Variants in DYSF observed in about 807,000 individuals in gnomAD.
The protein encoded by DYSF is dystrophy-associated fer-1-like 1.
In DYSF, 212 loss-of-function variants were observed where a neutral mutation model predicts 274.9. The observed-to-expected ratio is 0.77, with a 90% CI of 0.69 to 0.86. The LOEUF is 0.86. DYSF is among the 40% of genes least tolerant of loss of function. The pLI, the probability that DYSF is intolerant of heterozygous loss-of-function variation, is 0.00. For synonymous variants in DYSF, 1,091 were observed against 1,078.7 expected (o/e 1.01, Z -0.22); for missense variants, 2,666 against 2,783.2 (o/e 0.96, Z 0.95).
At chr2:71,618,703 G>C (rs1211504073) in intron 40 of DYSF, among the ~76,000 whole-genome samples, 1 of 150,862 alleles carries the variant, frequency 6.6e-6, no homozygotes, top group Non-Finnish European at 1.5e-5. Flanking sequence ...GTGCGTGGTA[G>C]AGATGGTGTG....
At chr2:71,469,382 C>A (rs1416868891) in intron 1 of DYSF, among the ~76,000 whole-genome samples, 2 of 152,186 alleles carry the variant, frequency 1.3e-5, no homozygotes, top group Non-Finnish European at 1.5e-5. Flanking sequence ...GAAGCCAGAT[C>A]CCTTCCGGTG....
chr2:71,472,620 A>G (rs1389523911), intron 1 of DYSF, among the ~76,000 whole-genome samples: 1 of 152,150 alleles, frequency 6.6e-6, no homozygotes, highest in Non-Finnish European at 1.5e-5. Context: ...GTTAGCCAGG[A>G]TGGTCTGGAT....
Position 71,528,537 on chromosome 2 carries a change from C to T in DYSF, c.1380+136C>T, listed in dbSNP as rs72900820. ...GCACAAGGAGTGGCTGATCCTGGTG[C>T]GTGGTGAGACACCCACATAGGCCCA... On this transcript the variant is annotated intron_variant, in intron 14 of 55. Coordinates refer to ENST00000410020, the MANE Select transcript of DYSF (RefSeq NM_001130987.2). 0.012 allele frequency: 9,171 copies of T among 740,616 alleles called. 538 individuals carry two copies. In the African/African-American group the frequency reaches 0.14, roughly 11 times the overall value. 45.9% of individuals were successfully genotyped at this position (740,616 alleles called of 1,614,324 possible). A position where few individuals can be genotyped will look rare whatever the true frequency, so the allele number is the denominator to read the frequency against.
intron 51 of DYSF, among the ~76,000 whole-genome samples, chr2:71,671,726 G>A (rs1281115356): frequency 3.9e-5 from 6 of 152,206 alleles, no homozygotes; most frequent in Admixed American, 2.0e-4. Flanking sequence ...AGGGTTACCC[G>A]GCAGTTCTGG....
chr2:71,548,927 G>C (rs890334022), intron 17 of DYSF, among the ~76,000 whole-genome samples: 1 of 152,214 alleles, frequency 6.6e-6, no homozygotes, highest in South Asian at 2.1e-4. Flanking sequence ...TTGCTGCCTA[G>C]CTCTGGCCCT....
chr2:71,459,184 T>G (rs545414137), intron 1 of DYSF, among the ~76,000 whole-genome samples: 1 of 152,308 alleles, frequency 6.6e-6, no homozygotes, highest in South Asian at 2.1e-4. Context: ...TGTCAACTCA[T>G]GTAGAATGTT....
intron 32 of DYSF, among the ~76,000 whole-genome samples, chr2:71,593,683 A>G (rs2093334418): frequency 6.6e-6 from 1 of 152,182 alleles, no homozygotes; most frequent in South Asian, 2.1e-4. Flanking sequence ...ACCAGGGAAG[A>G]AGGTGTCAAT....
At chr2:71,525,803 A>G (rs915019005) in intron 12 of DYSF, among the ~76,000 whole-genome samples, 2 of 152,162 alleles carry the variant, frequency 1.3e-5, no homozygotes, top group African/African-American at 4.8e-5. Context: ...GACACCTAGT[A>G]CTCACTCAGT....
chr2:71,554,204 C>T (rs2091176446), intron 21 of DYSF, among the ~76,000 whole-genome samples: 1 of 152,204 alleles, frequency 6.6e-6, no homozygotes, highest in South Asian at 2.1e-4. Context: ...AAAACCTATG[C>T]CACGCAGCAG....
At chr2:71,511,460 C>T (rs150385040) in intron 4 of DYSF, among the ~76,000 whole-genome samples, 5 of 152,314 alleles carry the variant, frequency 3.3e-5, no homozygotes, top group African/African-American at 7.2e-5. Context: ...AAGTCCACTA[C>T]GTGCTACATC....
intron 1 of DYSF, among the ~76,000 whole-genome samples, chr2:71,469,559 A>G (rs1046185136): frequency 2.6e-5 from 4 of 152,114 alleles, no homozygotes; most frequent in African/African-American, 9.7e-5. Context: ...GCAGCCTGAA[A>G]TGTATGGGGC....
intron 41 of DYSF, among the ~76,000 whole-genome samples, chr2:71,642,667 G>A (rs2094505144): frequency 6.6e-6 from 1 of 152,182 alleles, no homozygotes; most frequent in Admixed American, 6.5e-5. Context: ...TCCCTGTGTG[G>A]TGTGTCTGGA....
chr2:71,670,846 C>T (rs924644973), intron 51 of DYSF, among the ~76,000 whole-genome samples: 2 of 152,156 alleles, frequency 1.3e-5, no homozygotes, highest in Non-Finnish European at 2.9e-5. Context: ...TCTGCTGTAG[C>T]TTCTGGCCAT....
intron 41 of DYSF, among the ~76,000 whole-genome samples, chr2:71,627,394 T>C (rs770167339): frequency 1.3e-5 from 2 of 152,090 alleles, no homozygotes; most frequent in Non-Finnish European, 2.9e-5. Flanking sequence ...TTTTAAATTA[T>C]CTTTTGTTAT....
chr2:71,582,818 T>C (rs2092939192), intron 30 of DYSF, among the ~76,000 whole-genome samples: 1 of 152,174 alleles, frequency 6.6e-6, no homozygotes, highest in East Asian at 1.9e-4. Context: ...ATACATAATA[T>C]TTCCATCACA....
intron 41 of DYSF, among the ~76,000 whole-genome samples, chr2:71,636,576 T>C (rs2094407041): frequency 6.6e-6 from 1 of 152,066 alleles, no homozygotes; most frequent in Non-Finnish European, 1.5e-5. Context: ...TGGGCAGGGA[T>C]GTTCAGAGAT....
chr2:71,560,395 C>T (rs2091649944), intron 22 of DYSF, among the ~76,000 whole-genome samples: 1 of 143,124 alleles, frequency 7.0e-6, no homozygotes, highest in Non-Finnish European at 1.5e-5. Context: ...CTCAGGCCCA[C>T]TCAGGCCTGG....
At chr2:71,561,613 T>A in intron 22 of DYSF, 139 bp from the exon 23 acceptor site, 1 of 908,942 alleles carries the variant, frequency 1.1e-6, no homozygotes, top group South Asian at 1.4e-5. Flanking sequence ...TGGCTGTGTG[T>A]GTGGAGCGGG....
intron 1 of DYSF, among the ~76,000 whole-genome samples, chr2:71,470,751 TC>T (rs1176834136): frequency 2.1e-4 from 30 of 144,268 alleles, no homozygotes; most frequent in African/African-American, 3.6e-4. Context: ...CTTCCTTCCT[TC>T]CTTCCTTCCT....
Sources: gnomAD v4.1 joint callset for allele counts (sites outside exome capture counted in the v4.1 genomes callset) on GRCh38, gnomAD v4.1.1 for gene constraint, MANE v1.5 for transcripts, NCBI Gene and HGNC (gene_info 2026-07-23, HGNC 2026-07-21) for gene names.